The following ADGRL2 variants were observed in gnomAD, a reference collection of about 807,000 sequenced individuals.
The protein encoded by ADGRL2 is adhesion G protein-coupled receptor L2, also known as calcium-independent alpha-latrotoxin receptor 2.
In ADGRL2, 44 loss-of-function variants were observed where a neutral mutation model predicts 157.4. That is an observed-to-expected ratio of 0.28 (90% confidence interval 0.22 to 0.36). The LOEUF is 0.36. ADGRL2 is among the 10% of genes least tolerant of loss of function. The pLI, the probability that ADGRL2 is intolerant of heterozygous loss-of-function variation, is 1.00. For synonymous variants in ADGRL2, 585 were observed against 624.7 expected, an observed-to-expected ratio of 0.94 and a Z score of 0.95; for missense variants, 1,510 against 1,768.9, an observed-to-expected ratio of 0.85 and a Z score of 2.63.
chr1:81,564,606 A>G (rs1481622161), intron 2 of ADGRL2, among the ~76,000 whole-genome samples: 1 of 152,210 alleles, frequency 6.6e-6, no homozygotes, highest in Non-Finnish European at 1.5e-5. Context: ...TGGACAAGAC[A>G]GAAGCCAGAG....
At chr1:81,342,824 A>G (rs926532870) in intron 1 of ADGRL2, among the ~76,000 whole-genome samples, 1 of 152,090 alleles carries the variant, frequency 6.6e-6, no homozygotes, top group Non-Finnish European at 1.5e-5. Flanking sequence ...ACACAGAGCT[A>G]ATAGGTTGGG....
At chr1:81,443,188 A>G (rs1197947568) in intron 1 of ADGRL2, among the ~76,000 whole-genome samples, 3 of 152,194 alleles carry the variant, frequency 2.0e-5, no homozygotes, top group Non-Finnish European at 4.4e-5. Flanking sequence ...TGGGAGGCCA[A>G]TGTGGGTGGA....
chr1:81,525,784 G>A (rs1011955553), intron 2 of ADGRL2, among the ~76,000 whole-genome samples: 2 of 152,202 alleles, frequency 1.3e-5, no homozygotes, highest in Non-Finnish European at 2.9e-5. Flanking sequence ...CAAAGGTGGA[G>A]CCAGTAGTAA....
chr1:81,979,867 A>T lies in ADGRL2; in HGVS notation c.3022-2A>T. On this transcript the variant is annotated splice_acceptor_variant, in intron 17 of 23. Coordinates refer to ENST00000686636, the MANE Select transcript of ADGRL2 (RefSeq NM_001366006.2). LOFTEE classifies it high-confidence loss of function. ...GGTCTAATTCTTTATTTGTTACAAC[A>T]GCTAAATATTATCTTCTTGGTGATC... The T allele has an allele frequency of 6.4e-7, 1 of 1,568,814 alleles. No homozygotes were observed. Among genetic ancestry groups the T allele is most frequent in the Non-Finnish European group, 8.8e-7 (1 of 1,140,614 alleles).
chr1:81,627,231 TG>T (rs1489278916), intron 3 of ADGRL2, among the ~76,000 whole-genome samples: 1 of 152,090 alleles, frequency 6.6e-6, no homozygotes, highest in African/African-American at 2.4e-5. Flanking sequence ...CATACTTAAA[TG>T]TATATATTCG....
At chr1:81,611,073 C>T (rs2081531952) in intron 3 of ADGRL2, among the ~76,000 whole-genome samples, 1 of 152,162 alleles carries the variant, frequency 6.6e-6, no homozygotes, top group Non-Finnish European at 1.5e-5. Context: ...TCTAGAGGTA[C>T]AGTAAAGCCT....
intron 2 of ADGRL2, among the ~76,000 whole-genome samples, chr1:81,845,192 C>T (rs1165358461): frequency 6.6e-6 from 1 of 151,992 alleles, no homozygotes; most frequent in Non-Finnish European, 1.5e-5. Context: ...ATAATGAATG[C>T]TAACAGATGC....
chr1:81,851,253 T>G (rs4628540), intron 2 of ADGRL2, among the ~76,000 whole-genome samples: 1 of 151,934 alleles, frequency 6.6e-6, no homozygotes, highest in Non-Finnish European at 1.5e-5. Flanking sequence ...GGTAATAACC[T>G]ACACTGAAGT....
chr1:81,915,167 C>T (rs1436096319), intron 3 of ADGRL2, among the ~76,000 whole-genome samples: 1 of 152,058 alleles, frequency 6.6e-6, no homozygotes, highest in African/African-American at 2.4e-5. Flanking sequence ...CCCCAGCTTC[C>T]CAGGCTCAAG....
At chr1:81,967,557 G>T (rs1281347068) in intron 13 of ADGRL2, among the ~76,000 whole-genome samples, 3 of 152,032 alleles carry the variant, frequency 2.0e-5, no homozygotes, top group Non-Finnish European at 4.4e-5. Flanking sequence ...CACCGCGCCC[G>T]GCCTATTTGA....
At chr1:81,322,749 T>A (rs1337433981) in intron 1 of ADGRL2, among the ~76,000 whole-genome samples, 1 of 152,158 alleles carries the variant, frequency 6.6e-6, no homozygotes, top group Non-Finnish European at 1.5e-5. Flanking sequence ...AAAAACCATG[T>A]CATACGGGGA....
At chr1:81,810,349 G>T (rs1041678817) in intron 1 of ADGRL2, among the ~76,000 whole-genome samples, 10 of 151,716 alleles carry the variant, frequency 6.6e-5, no homozygotes, top group African/African-American at 2.4e-4. Flanking sequence ...TGTTTAAAAT[G>T]AGTTTCCCTG....
At chr1:81,420,947 T>G (rs1269745381) in intron 1 of ADGRL2, among the ~76,000 whole-genome samples, 1 of 152,198 alleles carries the variant, frequency 6.6e-6, no homozygotes, top group Admixed American at 6.5e-5. Context: ...TCTTCTCACA[T>G]GCAAAGAGTT....
At chr1:81,668,398 G>A (rs541710502) in intron 3 of ADGRL2, among the ~76,000 whole-genome samples, 8 of 146,478 alleles carry the variant, frequency 5.5e-5, no homozygotes, top group African/African-American at 1.0e-4. Context: ...GCAGCCTGGC[G>A]ACAGAGTAAC....
At chr1:81,963,440 T>C (rs1656096973) in intron 11 of ADGRL2, among the ~76,000 whole-genome samples, 1 of 152,012 alleles carries the variant, frequency 6.6e-6, no homozygotes, top group African/African-American at 2.4e-5. Flanking sequence ...ATAAAACCTG[T>C]GACAGAGATC....
intron 19 of ADGRL2, among the ~76,000 whole-genome samples, chr1:81,983,550 T>C (rs1185409881): frequency 6.6e-6 from 1 of 152,118 alleles, no homozygotes; most frequent in Admixed American, 6.6e-5. Flanking sequence ...AGGCAGTTAC[T>C]GCACACAGAC....
intron 3 of ADGRL2, among the ~76,000 whole-genome samples, chr1:81,933,773 A>G (rs2095269422): frequency 6.6e-6 from 1 of 152,070 alleles, no homozygotes; most frequent in African/African-American, 2.4e-5. Flanking sequence ...AAAGGAATAT[A>G]AATGTCTGTA....
intron 1 of ADGRL2, among the ~76,000 whole-genome samples, chr1:81,435,887 G>A (rs1342947061): frequency 6.6e-6 from 1 of 151,996 alleles, no homozygotes; most frequent in Non-Finnish European, 1.5e-5. Context: ...ACCTGAGGTC[G>A]GGAGTTTGAG....
intron 2 of ADGRL2, among the ~76,000 whole-genome samples, chr1:81,578,353 C>T (rs907582934): frequency 3.3e-5 from 5 of 152,162 alleles, no homozygotes; most frequent in African/African-American, 1.2e-4. Context: ...TTTGCCTGGA[C>T]AGACAAATCT....
Sources: gnomAD v4.1 joint callset for allele counts (sites outside exome capture counted in the v4.1 genomes callset) on GRCh38, gnomAD v4.1.1 for gene constraint, MANE v1.5 for transcripts, NCBI Gene and HGNC (gene_info 2026-07-23, HGNC 2026-07-21) for gene names.